YIF1B: variants seen among roughly 807,000 people sequenced by gnomAD.
YIF1B encodes Yip1 interacting factor homolog B, membrane trafficking protein.
In YIF1B, 24 loss-of-function variants were observed where a neutral mutation model predicts 34.6. The observed-to-expected ratio is 0.69, with a 90% CI of 0.50 to 0.98. The LOEUF is 0.98. YIF1B is among the 50% of genes least tolerant of loss of function. The probability of loss-of-function intolerance (pLI) is 0.00; values close to 1 mark genes in which losing one functional copy is unlikely to be tolerated. For missense variants in YIF1B, 368 were observed against 429.4 expected (o/e 0.86, Z 1.26); for synonymous variants, 186 against 184.8 (o/e 1.01, Z -0.05).
intron 1 of YIF1B, among the ~76,000 whole-genome samples, chr19:38,310,731 G>T (rs1158035619): frequency 2.0e-5 from 3 of 152,080 alleles, no homozygotes; most frequent in Admixed American, 2.0e-4. Flanking sequence ...GCACCAGGAA[G>T]GTGCCTGCCT....
rs371034707 is a variant in YIF1B, at chr19:38,304,700, G to C, written c.*652C>G. Reference sequence around the variant, plus strand: ...ACGGATGTGAAGGTAAGGGGCTCTCGCCAGCGTCCCCAAGCACGTGCCCTG... The same window carrying C: ...ACGGATGTGAAGGTAAGGGGCTCTCCCCAGCGTCCCCAAGCACGTGCCCTG... On this transcript the variant is annotated 3_prime_UTR_variant, in exon 8 of 8. Transcript: ENST00000339413. 1 of 1,613,618 alleles carries C rather than the reference G, an allele frequency of 6.2e-7. No homozygotes were observed. The highest frequency in any genetic ancestry group is 8.5e-7 in the Non-Finnish European group (1 of 1,179,962).
chr19:38,308,284 A>G (rs934390905), intron 5 of YIF1B, among the ~76,000 whole-genome samples: 9 of 152,066 alleles, frequency 5.9e-5, no homozygotes, highest in Non-Finnish European at 1.5e-5. Context: ...GCTCCTGGGC[A>G]GAGGGGAGTT....
At chr19:38,311,638 C>T (rs922819809) in intron 1 of YIF1B, among the ~76,000 whole-genome samples, 1 of 152,094 alleles carries the variant, frequency 6.6e-6, no homozygotes, top group African/African-American at 2.4e-5. Flanking sequence ...ACGTGGGGAA[C>T]AGATGAGGGG....
At chr19:38,321,093 C>A (rs908481297), upstream of YIF1B, among the ~76,000 whole-genome samples, 1 of 152,160 alleles carries the variant, frequency 6.6e-6, no homozygotes, top group Non-Finnish European at 1.5e-5. Context: ...TTCTGGGAAA[C>A]CCCCCTGGAG....
chr19:38,305,860 C>A (rs1468154574), intron 7 of YIF1B, among the ~76,000 whole-genome samples: 2 of 152,156 alleles, frequency 1.3e-5, no homozygotes, highest in East Asian at 3.9e-4. Flanking sequence ...GCTGGCCACA[C>A]GGCAATTTCT....
chr19:38,307,463 G>A lies in YIF1B; in HGVS notation c.754C>T (p.Leu252=), dbSNP rs1444892082. ...LFGKIGYYLV[L]GWCCVAIFVF... is the part of the protein sequence containing the mutation. ...AAGATGGCTACGCAGCACCAGCCCA[G>A]CACCAGGTAGTAGCCAATCTTCCCG... The change falls in exon 7 of 8, where the codon CTG becomes TTG. Residue 252 remains leucine, a synonymous_variant. Coordinates refer to ENST00000339413, the MANE Select transcript of YIF1B (RefSeq NM_001039672.3). The A allele has an allele frequency of 6.2e-7, 1 of 1,613,848 alleles. No individual in the cohort carries two copies.
In YIF1B at chr19:38,303,906, T is replaced by C. The variant is rs559791499; in HGVS notation, c.*1446A>G. 7.2e-5 allele frequency among the ~76,000 whole-genome samples: 11 copies of C among 152,344 alleles called. No homozygotes were observed. Among genetic ancestry groups the C allele is most frequent in the African/African-American group, 2.6e-4 (11 of 41,572 alleles). On this transcript the variant is annotated 3_prime_UTR_variant, in exon 8 of 8. Coordinates refer to ENST00000339413, the MANE Select transcript of YIF1B (RefSeq NM_001039672.3). ...CGTGTTAAAGCGCCGCGGAGGAAGC[T>C]GTATTGTCGCGGTACGCAGGAAGGC... is the stretch of plus-strand genomic sequence containing the variant.
At position 38,309,433 on chromosome 19, in the gene YIF1B, G is replaced by T. The variant is rs147921022; in HGVS notation, c.269C>A (p.Ala90Glu). ...MAMAYGSSLAAQGKELVDKNI... is the reference protein window; with the variant it reads ...MAMAYGSSLAEQGKELVDKNI... ...CTTATCCACCAGCTCCTTGCCCTGC[G>T]CGGCCAGGCTGCTCCCATAGGCCAT... is the stretch of plus-strand genomic sequence containing the variant. The change falls in exon 2 of 8, where the codon GCG becomes GAG. Residue 90 changes from alanine to glutamate, a missense_variant. Around this residue, in one of 3 missense-constraint regions of YIF1B, gnomAD observed 153 missense variants for 156.7 expected, o/e 0.98. Coordinates refer to ENST00000339413, the MANE Select transcript of YIF1B (RefSeq NM_001039672.3). 1.9e-6 allele frequency: 3 copies of T among 1,613,542 alleles called. No homozygotes were observed. The Admixed American group carries it at 5.0e-5, about 27-fold the overall frequency.
In YIF1B at chr19:38,303,755, A is replaced by G. The variant is rs1968861362; in HGVS notation, c.*1597T>C. 6.6e-6 allele frequency among the ~76,000 whole-genome samples: 1 copy of G among 152,346 alleles called. No homozygotes were observed. Among genetic ancestry groups the G allele is most frequent in the South Asian group, 2.1e-4 (1 of 4,830 alleles). On this transcript the variant is annotated 3_prime_UTR_variant, in exon 8 of 8. Coordinates refer to ENST00000339413, the MANE Select transcript of YIF1B (RefSeq NM_001039672.3). Reference sequence around the variant, plus strand: ...AGGTCACCTTGCTGCTAAGTGACACAGCTGGCATCTAGTGCAGCAGGCTGG... The same window carrying G: ...AGGTCACCTTGCTGCTAAGTGACACGGCTGGCATCTAGTGCAGCAGGCTGG...
At chr19:38,316,104 G>T, upstream of YIF1B, 1 of 904,204 alleles carries the variant, frequency 1.1e-6, no homozygotes, top group Non-Finnish European at 1.5e-6. Flanking sequence ...TTACGTAAGA[G>T]GCGGAGACTG....
rs571692721 is a variant in YIF1B at position 38,306,193 on chromosome 19, ACT to A, written c.790-688_790-687del. Among the ~76,000 whole-genome samples the A allele has an allele frequency of 1.7e-3, 201 of 119,890 alleles. 1 individual carries two copies. Among genetic ancestry groups the A allele is most frequent in the African/African-American group, 5.8e-3 (176 of 30,326 alleles). 78.7% of individuals were successfully genotyped at this position (119,890 alleles called of 152,430 possible). ...CACTCCAGCTTCCCGACAGAGCGAG[ACT>A]CTGTCTCACAAAAAAAAAAAAAAAA... On this transcript the variant is annotated intron_variant, in intron 7 of 7. Transcript: ENST00000339413.
chr19:38,309,152 C>A, intron 3 of YIF1B, 72 bp downstream of exon 3: 1 of 1,585,696 alleles, frequency 6.3e-7, no homozygotes, highest in Non-Finnish European at 8.6e-7. Flanking sequence ...CCCGGCTCCA[C>A]CATGCACCTG....
Position 38,309,922 on chromosome 19 carries a change from A to G in YIF1B, c.59-279T>C, listed in dbSNP as rs1037987714. 61 of 1,025,408 alleles carry G rather than the reference A, an allele frequency of 5.9e-5. No homozygotes were observed. In the African/African-American group the frequency reaches 9.4e-4, roughly 16 times the overall value. 63.5% of individuals were successfully genotyped at this position (1,025,408 alleles called of 1,614,324 possible). ...CACCTATCCATCTACCCACCCTCCC[A>G]CTCACCCACCCATCCATCCATCTAT... On this transcript the variant is annotated intron_variant, in intron 1 of 7. Transcript: ENST00000339413.
At chr19:38,309,889 C>T (rs1969240554) in intron 1 of YIF1B, 1 of 1,357,558 alleles carries the variant, frequency 7.4e-7, no homozygotes, top group Non-Finnish European at 9.6e-7. Flanking sequence ...TCTACCCACC[C>T]ATCCATCCAC....
At chr19:38,309,840 C>A (rs1969238347) in intron 1 of YIF1B, 197 bp from the exon 2 acceptor site, 5 of 1,429,240 alleles carry the variant, frequency 3.5e-6, no homozygotes, top group African/African-American at 2.9e-5. Flanking sequence ...ATCTAGCCAA[C>A]TATCCATCCA....
intron 5 of YIF1B, 134 bp from the exon 6 acceptor site, chr19:38,307,886 T>G: frequency 8.4e-7 from 1 of 1,184,592 alleles, no homozygotes; most frequent in Non-Finnish European, 1.2e-6. Flanking sequence ...CGCTATCCTA[T>G]TCCCACGGAA....
intron 1 of YIF1B, among the ~76,000 whole-genome samples, chr19:38,313,025 C>T (rs944454141): frequency 6.6e-6 from 1 of 152,048 alleles, no homozygotes; most frequent in Admixed American, 6.6e-5. Context: ...GATCTCGGCT[C>T]ACCACAACCT....
Position 38,304,171 on chromosome 19 carries a change from C to A in YIF1B, c.*1181G>T. The A allele has an allele frequency of 6.6e-7, 1 of 1,513,212 alleles. No homozygotes were observed. The highest frequency in any genetic ancestry group is 9.1e-7 in the Non-Finnish European group (1 of 1,101,558). 93.7% of individuals were successfully genotyped at this position (1,513,212 alleles called of 1,614,324 possible). On this transcript the variant is annotated 3_prime_UTR_variant, in exon 8 of 8. Coordinates refer to ENST00000339413, the MANE Select transcript of YIF1B (RefSeq NM_001039672.3). Reference sequence around the variant, plus strand: ...TGGGTGGGGCGTCTCAGCATTCCTCCAACGGGCAGGTCTCAGCGCTCCTCC... The same window carrying A: ...TGGGTGGGGCGTCTCAGCATTCCTCAAACGGGCAGGTCTCAGCGCTCCTCC...
chr19:38,313,538 C>T (rs574275241), intron 1 of YIF1B, among the ~76,000 whole-genome samples: 1 of 152,328 alleles, frequency 6.6e-6, no homozygotes, highest in East Asian at 1.9e-4. Flanking sequence ...GGATTACAGG[C>T]GTGAGCCACC....
Sources: allele counts gnomAD v4.1 joint callset (sites outside exome capture counted in the v4.1 genomes callset), GRCh38; gene constraint gnomAD v4.1.1; regional missense constraint gnomAD v4.1.1; transcripts MANE v1.5; gene names NCBI Gene and HGNC (gene_info 2026-07-23, HGNC 2026-07-21).